Variants in IL33 observed in about 807,000 individuals in gnomAD.
IL33 encodes the protein interleukin-33.
A neutral mutation model predicts 27.3 loss-of-function variants in IL33; 37 were observed. The observed-to-expected ratio is 1.36, with a 90% CI of 1.04 to 1.78. The LOEUF (loss-of-function observed/expected upper bound fraction) is 1.78, where lower values mean the gene tolerates loss of function less well. IL33 is among the 40% of genes most tolerant of loss of function. IL33 has a pLI of 0.00. For missense variants in IL33, 406 were observed against 311.4 expected (o/e 1.30, Z -2.29); for synonymous variants, 132 against 102.9 (o/e 1.28, Z -1.71).
chr9:6,222,936 T>C (rs952054875), intron 1 of IL33, among the ~76,000 whole-genome samples: 6 of 152,288 alleles, frequency 3.9e-5, no homozygotes, highest in African/African-American at 1.4e-4. Flanking sequence ...AAATATATCA[T>C]ACACATAAAC....
upstream of IL33, among the ~76,000 whole-genome samples, chr9:6,215,558 T>C (rs1300697510): frequency 2.0e-5 from 3 of 152,166 alleles, no homozygotes; most frequent in Admixed American, 2.0e-4. Context: ...GGAGTTCAAC[T>C]CCAAAGAGAG....
intron 1 of IL33, among the ~76,000 whole-genome samples, chr9:6,236,654 G>A (rs566682712): frequency 1.7e-4 from 26 of 152,256 alleles, no homozygotes; most frequent in South Asian, 6.2e-4. Flanking sequence ...GATCACTTGC[G>A]GTCAGGAGTT....
At position 6,252,888 on chromosome 9, in the gene IL33, T is replaced by C. The variant is rs1816487140; in HGVS notation, c.366T>C (p.Tyr122=). Reference sequence around the variant, plus strand: ...CAGGAATTTCACCTATTACAGAGTATCTTGCTTCTCTAAGCACATACAATG... The same window carrying C: ...CAGGAATTTCACCTATTACAGAGTACCTTGCTTCTCTAAGCACATACAATG... ...SITGISPITE[Y]LASLSTYNDQ... The change falls in exon 5 of 8, where the codon TAT becomes TAC. Residue 122 remains tyrosine, a synonymous_variant. Coordinates refer to ENST00000682010, the MANE Select transcript of IL33 (RefSeq NM_033439.4). 6 of 1,609,428 alleles carry C rather than the reference T, an allele frequency of 3.7e-6. No homozygotes were observed. The highest frequency in any genetic ancestry group is 2.2e-5 in the East Asian group (1 of 44,796).
chr9:6,252,740 T>A, intron 4 of IL33, 126 bp from the exon 5 acceptor site: 4 of 1,122,232 alleles, frequency 3.6e-6, no homozygotes, highest in Non-Finnish European at 5.2e-6. Flanking sequence ...TATCAAAGGC[T>A]TTAATCTAGC....
chr9:6,234,891 C>G (rs1819109187), intron 1 of IL33, among the ~76,000 whole-genome samples: 1 of 152,152 alleles, frequency 6.6e-6, no homozygotes, highest in Non-Finnish European at 1.5e-5. Context: ...GGATAAAATT[C>G]AAACTCCTTA....
chr9:6,246,812 A>T (rs1819885228), intron 2 of IL33, among the ~76,000 whole-genome samples: 1 of 152,168 alleles, frequency 6.6e-6, no homozygotes, highest in East Asian at 1.9e-4. Flanking sequence ...ACAGCCCCTC[A>T]ATCTTGGACT....
chr9:6,251,006 T>A, intron 3 of IL33, 134 bp from the exon 4 acceptor site: 1 of 1,150,492 alleles, frequency 8.7e-7, no homozygotes. Context: ...TATCAATCCC[T>A]TTGGACCATG....
At chr9:6,254,433 T>A (rs370214403) in intron 6 of IL33, 29 bp from the exon 7 acceptor site, 8 of 1,425,248 alleles carry the variant, frequency 5.6e-6, no homozygotes, top group Non-Finnish European at 7.7e-6. Context: ...AGTTCTTAAC[T>A]TTATCATTTA....
chr9:6,254,100 A>C (rs1038927078), intron 6 of IL33, among the ~76,000 whole-genome samples: 29 of 152,200 alleles, frequency 1.9e-4, no homozygotes, highest in African/African-American at 6.8e-4. Context: ...TACTACACTT[A>C]GCCATAAGAA....
chr9:6,218,558 A>G (rs1330627178), intron 1 of IL33, among the ~76,000 whole-genome samples: 1 of 151,370 alleles, frequency 6.6e-6, no homozygotes, highest in Non-Finnish European at 1.5e-5. Context: ...ACAGGGAAAT[A>G]CTGAAGAAGG....
chr9:6,254,335 TA>T, intron 6 of IL33, 126 bp from the exon 7 acceptor site: 1 of 526,916 alleles, frequency 1.9e-6, no homozygotes, highest in Non-Finnish European at 3.3e-6. Context: ...ACTTCTAAGA[TA>T]CCTGTTAGTG....
rs1816750659 is a variant in IL33 at position 6,256,691 on chromosome 9, G to A, written c.*523G>A. 1.0e-5 allele frequency: 2 copies of A among 198,010 alleles called. No homozygotes were observed. Among genetic ancestry groups the A allele is most frequent in the Non-Finnish European group, 2.0e-5 (2 of 99,268 alleles). The allele number at this position is 198,010 out of a possible 1,614,324, so 12.3% of individuals were successfully genotyped here. On this transcript the variant is annotated 3_prime_UTR_variant, in exon 8 of 8. Transcript: ENST00000682010. ...TAAAACACCAGGTTTGTTTGTAGAT[G>A]TCTTAGGCAACACTCAGAGCAGATC... is the stretch of plus-strand genomic sequence containing the variant.
In IL33 at chr9:6,256,287, G is replaced by T; in HGVS notation, c.*119G>T. 2 of 688,942 alleles carry T rather than the reference G, an allele frequency of 2.9e-6. No individual in the cohort carries two copies. The highest frequency in any genetic ancestry group is 2.7e-5 in the East Asian group (1 of 37,408). 42.7% of individuals were successfully genotyped at this position (688,942 alleles called of 1,614,324 possible). On this transcript the variant is annotated 3_prime_UTR_variant, in exon 8 of 8. Coordinates refer to ENST00000682010, the MANE Select transcript of IL33 (RefSeq NM_033439.4). ...GAAATGAAGAGTGCTTAGCATGTGT[G>T]GAATGTTTTCCATATTATGTATAAA... is the stretch of plus-strand genomic sequence containing the variant.
intron 1 of IL33, among the ~76,000 whole-genome samples, chr9:6,236,162 T>C (rs1819196556): frequency 6.6e-6 from 1 of 152,184 alleles, no homozygotes; most frequent in South Asian, 2.1e-4. Flanking sequence ...TATATTTCTA[T>C]GATTGAATGC....
chr9:6,244,455 AT>A (rs1819708019), intron 2 of IL33, among the ~76,000 whole-genome samples: 1 of 152,186 alleles, frequency 6.6e-6, no homozygotes, highest in South Asian at 2.1e-4. Flanking sequence ...ACCCATGATA[AT>A]GTTTAATTTA....
rs753819087 is a variant in IL33, at chr9:6,252,745, T to G, written c.344-121T>G. On this transcript the variant is annotated intron_variant, in intron 4 of 7. Coordinates refer to ENST00000682010, the MANE Select transcript of IL33 (RefSeq NM_033439.4). Reference sequence around the variant, plus strand: ...GTAAAACTTGTATCAAAGGCTTTAATCTAGCCAACAGTGACATACAAAATG... The same window carrying G: ...GTAAAACTTGTATCAAAGGCTTTAAGCTAGCCAACAGTGACATACAAAATG... 147 of 1,163,618 alleles carry G rather than the reference T, an allele frequency of 1.3e-4. 1 individual carries two copies. The highest frequency in any genetic ancestry group is 2.9e-5 in the Non-Finnish European group (23 of 803,716). The allele number at this position is 1,163,618 out of a possible 1,614,324, so 72.1% of individuals were successfully genotyped here. A position where few individuals can be genotyped will look rare whatever the true frequency, so the allele number is the denominator to read the frequency against.
chr9:6,239,375 C>G lies in IL33; in HGVS notation c.-11-2309C>G, dbSNP rs186851373. On this transcript the variant is annotated intron_variant, in intron 1 of 7. Coordinates refer to ENST00000682010, the MANE Select transcript of IL33 (RefSeq NM_033439.4). ...ACAATGGAGGATTCTATCCCCAACA[C>G]GTGCACAGTAAGGGAAGTCAAACAA... Among the ~76,000 whole-genome samples, 38 of 152,240 alleles carry G rather than the reference C, an allele frequency of 2.5e-4. 1 individual carries two copies. The highest frequency in any genetic ancestry group is 2.3e-3 in the Admixed American group (35 of 15,296).
At chr9:6,232,810 G>A (rs1205943571) in intron 1 of IL33, among the ~76,000 whole-genome samples, 1 of 152,092 alleles carries the variant, frequency 6.6e-6, no homozygotes, top group African/African-American at 2.4e-5. Flanking sequence ...CTTAGTGACT[G>A]CTTTGACTCT....
intron 2 of IL33, among the ~76,000 whole-genome samples, chr9:6,243,671 T>C (rs531522370): frequency 6.6e-6 from 1 of 152,286 alleles, no homozygotes. Flanking sequence ...CATGCAATTT[T>C]AGGATCTGTT....
Sources: gnomAD v4.1 joint callset for allele counts (sites outside exome capture counted in the v4.1 genomes callset) on GRCh38, gnomAD v4.1.1 for gene constraint, MANE v1.5 for transcripts, NCBI Gene and HGNC (gene_info 2026-07-23, HGNC 2026-07-21) for gene names.